The following TIAM1 variants were observed in gnomAD, a reference collection of about 807,000 sequenced individuals.
The protein encoded by TIAM1 is rho guanine nucleotide exchange factor TIAM1.
TIAM1 carries 65 observed loss-of-function variants against 163.5 expected under a neutral mutation model. The observed-to-expected ratio is 0.40, with a 90% CI of 0.33 to 0.49. TIAM1 has a LOEUF of 0.49. Ranked by LOEUF, TIAM1 falls within the 20% of genes least tolerant of loss-of-function variation. TIAM1 has a pLI of 0.77. For synonymous variants in TIAM1, 833 were observed against 810.1 expected, an observed-to-expected ratio of 1.03 and a Z score of -0.48; for missense variants, 1,789 against 2,044.7, an observed-to-expected ratio of 0.87 and a Z score of 2.41.
chr21:31,369,191 A>C (rs1437515516), intron 2 of TIAM1, among the ~76,000 whole-genome samples: 1 of 146,454 alleles, frequency 6.8e-6, no homozygotes, highest in Admixed American at 7.2e-5. Context: ...GTGCCACTGC[A>C]CTCCAGCCTG....
chr21:31,155,647 G>T (rs997931946), intron 16 of TIAM1, among the ~76,000 whole-genome samples: 1 of 152,134 alleles, frequency 6.6e-6, no homozygotes, highest in African/African-American at 2.4e-5. Context: ...TGGGACTACA[G>T]GCGCCCGCCA....
At chr21:31,259,580 C>T (rs534969119) in intron 4 of TIAM1, among the ~76,000 whole-genome samples, 1 of 151,828 alleles carries the variant, frequency 6.6e-6, no homozygotes, top group South Asian at 2.1e-4. Context: ...CTGTAAATAG[C>T]CACTGCACTC....
intron 1 of TIAM1, among the ~76,000 whole-genome samples, chr21:31,558,097 G>A (rs1412692083): frequency 6.6e-6 from 1 of 152,206 alleles, no homozygotes; most frequent in Non-Finnish European, 1.5e-5. Flanking sequence ...GGGGGCGCAC[G>A]GCGCGCTGCT....
intron 2 of TIAM1, among the ~76,000 whole-genome samples, chr21:31,400,813 G>A (rs533462597): frequency 7.9e-5 from 12 of 152,164 alleles, no homozygotes; most frequent in Non-Finnish European, 1.3e-4. Context: ...AATCCCGGCC[G>A]GGCACAGTGG....
In TIAM1 at chr21:31,158,432, T is replaced by A. The variant is rs201095802; in HGVS notation, c.2992-4006A>T. Among the ~76,000 whole-genome samples, 4 of 152,048 alleles carry A rather than the reference T, an allele frequency of 2.6e-5. No individual in the cohort carries two copies. In the East Asian group the frequency reaches 5.8e-4, roughly 22 times the overall value. ...GCAGTTTCCCCACCGGCAACCCTACTCAATGAATCAAGGCACCAACCCTCA... is the reference window on the plus strand; with the variant it reads ...GCAGTTTCCCCACCGGCAACCCTACACAATGAATCAAGGCACCAACCCTCA... On this transcript the variant is annotated intron_variant, in intron 16 of 27. Coordinates refer to ENST00000541036, the MANE Select transcript of TIAM1 (RefSeq NM_001353694.2).
chr21:31,243,213 T>TATAA (rs2071307923), intron 6 of TIAM1, among the ~76,000 whole-genome samples: 1 of 138,522 alleles, frequency 7.2e-6, no homozygotes, highest in African/African-American at 2.7e-5. Flanking sequence ...AAAAAAAATA[T>TATAA]ATATATATAT....
At chr21:31,459,538 A>C (rs1602331854) in intron 2 of TIAM1, among the ~76,000 whole-genome samples, 1 of 152,362 alleles carries the variant, frequency 6.6e-6, no homozygotes, top group East Asian at 1.9e-4. Flanking sequence ...TTTCAAAAGA[A>C]GAGAAAAGGC....
At position 31,405,007 on chromosome 21, in the gene TIAM1, C is replaced by T. The variant is rs142713927; in HGVS notation, c.-369+58976G>A. Among the ~76,000 whole-genome samples the T allele has an allele frequency of 7.9e-5, 12 of 151,896 alleles. No individual in the cohort carries two copies. The East Asian group carries it at 1.9e-3, about 25-fold the overall frequency. ...CTGTAATCTCAGCACTTTGGGAGGC[C>T]GAGGCAGGAGGAATGCTTGAGCCCA... On this transcript the variant is annotated intron_variant, in intron 2 of 28. Coordinates refer to the TIAM1 transcript ENST00000286827.
At chr21:31,284,592 C>T (rs895451644) in intron 2 of TIAM1, among the ~76,000 whole-genome samples, 5 of 152,098 alleles carry the variant, frequency 3.3e-5, no homozygotes, top group African/African-American at 1.2e-4. Flanking sequence ...GATCTTGGCT[C>T]ACCGCAACCT....
At chr21:31,226,715 GT>G (rs368503059) in intron 6 of TIAM1, among the ~76,000 whole-genome samples, 1 of 152,244 alleles carries the variant, frequency 6.6e-6, no homozygotes, top group East Asian at 1.9e-4. Flanking sequence ...CAATCAATGA[GT>G]TTTTACAAGT....
chr21:31,556,917 T>G (rs1472524858), intron 1 of TIAM1, among the ~76,000 whole-genome samples: 1 of 152,224 alleles, frequency 6.6e-6, no homozygotes, highest in East Asian at 1.9e-4. Flanking sequence ...TTTACCAAAC[T>G]TCTTCAGCTA....
Position 31,118,922 on chromosome 21 carries a change from A to AT in TIAM1, c.*1445dup, listed in dbSNP as rs2081902185. On this transcript the variant is annotated 3_prime_UTR_variant, in exon 28 of 28. Coordinates refer to ENST00000541036, the MANE Select transcript of TIAM1 (RefSeq NM_001353694.2). ...CTCTATTGTCTGGAAATATAAAGTCATAACTGATTTTTATAAAATATAACT... is the reference window on the plus strand; with the variant it reads ...CTCTATTGTCTGGAAATATAAAGTCATTAACTGATTTTTATAAAATATAACT... 5 of 219,632 alleles carry AT rather than the reference A, an allele frequency of 2.3e-5. No homozygotes were observed. The South Asian group carries it at 3.0e-4, about 13-fold the overall frequency. The allele number at this position is 219,632 out of a possible 1,614,324, so 13.6% of individuals were successfully genotyped here. A position where few individuals can be genotyped will look rare whatever the true frequency, so the allele number is the denominator to read the frequency against.
At chr21:31,376,038 A>T (rs200355313) in intron 2 of TIAM1, among the ~76,000 whole-genome samples, 57 of 60,320 alleles carry the variant, frequency 9.4e-4, no homozygotes, top group East Asian at 4.6e-3. Flanking sequence ...AAAAAAATTT[A>T]AAAAAAAAAG....
intron 1 of TIAM1, among the ~76,000 whole-genome samples, chr21:31,543,987 G>T (rs1194502283): frequency 1.8e-4 from 27 of 152,150 alleles, no homozygotes; most frequent in Non-Finnish European, 8.8e-5. Flanking sequence ...AAGGTGGGCA[G>T]ATCGTTCAAG....
intron 6 of TIAM1, among the ~76,000 whole-genome samples, chr21:31,243,169 G>T (rs1043850737): frequency 3.2e-5 from 4 of 125,558 alleles, no homozygotes; most frequent in African/African-American, 1.3e-4. Flanking sequence ...TCCAGCCTGG[G>T]CAACAAAAGC....
chr21:31,151,277 A>G (rs189074609), intron 19 of TIAM1, among the ~76,000 whole-genome samples: 305 of 152,376 alleles, frequency 2.0e-3, no homozygotes, highest in African/African-American at 7.0e-3. Context: ...TGTTCACAGC[A>G]GCTTTATTTG....
At chr21:31,536,833 G>A (rs917314945) in intron 1 of TIAM1, among the ~76,000 whole-genome samples, 2 of 152,206 alleles carry the variant, frequency 1.3e-5, no homozygotes, top group Non-Finnish European at 2.9e-5. Context: ...ACATTGAAAG[G>A]TTAGGACAAG....
intron 2 of TIAM1, among the ~76,000 whole-genome samples, chr21:31,448,065 G>A (rs1366595396): frequency 4.6e-5 from 7 of 152,126 alleles, no homozygotes; most frequent in Admixed American, 3.9e-4. Flanking sequence ...GAGGAGAGAC[G>A]AGGCCAATAT....
intron 1 of TIAM1, among the ~76,000 whole-genome samples, chr21:31,465,537 G>C (rs1475231030): frequency 6.6e-6 from 1 of 151,794 alleles, no homozygotes; most frequent in Admixed American, 6.6e-5. Flanking sequence ...CAGCCTATAA[G>C]GGCAGTGACT....
Sources: gnomAD v4.1 joint callset for allele counts (sites outside exome capture counted in the v4.1 genomes callset) on GRCh38, gnomAD v4.1.1 for gene constraint, MANE v1.5 for transcripts, NCBI Gene and HGNC (gene_info 2026-07-23, HGNC 2026-07-21) for gene names.